TMEM132B: variants seen among roughly 807,000 people sequenced by gnomAD.
TMEM132B encodes the protein transmembrane protein 132B.
Under a neutral mutation model 90.8 loss-of-function variants are expected in TMEM132B, and 18 were observed. The ratio of observed to expected loss-of-function variants is 0.20; its 90% confidence interval spans 0.14 to 0.29. The LOEUF (loss-of-function observed/expected upper bound fraction) is 0.29, where lower values mean the gene tolerates loss of function less well. Ranked by LOEUF, TMEM132B falls within the 10% of genes least tolerant of loss-of-function variation. The probability of loss-of-function intolerance (pLI) is 1.00; values close to 1 mark genes in which losing one functional copy is unlikely to be tolerated. For missense variants in TMEM132B, 1,096 were observed against 1,326.8 expected, an observed-to-expected ratio of 0.83 and a Z score of 2.70; for synonymous variants, 504 against 523.3, an observed-to-expected ratio of 0.96 and a Z score of 0.50.
intron 5 of TMEM132B, among the ~76,000 whole-genome samples, chr12:125,604,363 A>G (rs1566086983): frequency 6.6e-6 from 1 of 151,114 alleles, no homozygotes; most frequent in Non-Finnish European, 1.5e-5. Context: ...ACCAAACACC[A>G]CATGTTTTCA....
At chr12:125,260,414 C>T (rs997885794) in intron 1 of TMEM132B, among the ~76,000 whole-genome samples, 3 of 152,010 alleles carry the variant, frequency 2.0e-5, no homozygotes, top group African/African-American at 7.2e-5. Context: ...AACCATGGTG[C>T]GATCATAGCT....
intron 3 of TMEM132B, among the ~76,000 whole-genome samples, chr12:125,474,779 A>G (rs959760887): frequency 1.3e-5 from 2 of 152,104 alleles, no homozygotes; most frequent in Non-Finnish European, 2.9e-5. Flanking sequence ...TGCTGTCAGG[A>G]TACATCCTCT....
At chr12:125,191,807 G>A (rs1046267158) in intron 1 of TMEM132B, among the ~76,000 whole-genome samples, 1 of 146,714 alleles carries the variant, frequency 6.8e-6, no homozygotes, top group African/African-American at 2.4e-5. Flanking sequence ...TTGGTCTCAT[G>A]CACTGGAATA....
chr12:125,233,085 G>A (rs746501934), intron 1 of TMEM132B, among the ~76,000 whole-genome samples: 1 of 152,130 alleles, frequency 6.6e-6, no homozygotes, highest in Non-Finnish European at 1.5e-5. Context: ...CCCTAGGTAG[G>A]TCAGTGTGTT....
chr12:125,335,385 A>G (rs1876925794), intron 1 of TMEM132B, among the ~76,000 whole-genome samples: 1 of 152,198 alleles, frequency 6.6e-6, no homozygotes, highest in Admixed American at 6.5e-5. Flanking sequence ...TATTCCAGCT[A>G]AAGCTGATTC....
At chr12:125,255,724 A>C (rs1874424706) in intron 1 of TMEM132B, among the ~76,000 whole-genome samples, 1 of 152,076 alleles carries the variant, frequency 6.6e-6, no homozygotes, top group South Asian at 2.1e-4. Flanking sequence ...ATTTATTTTG[A>C]TCTCACAGGG....
At chr12:125,393,567 G>T (rs1476033257) in intron 2 of TMEM132B, among the ~76,000 whole-genome samples, 1 of 152,128 alleles carries the variant, frequency 6.6e-6, no homozygotes, top group Non-Finnish European at 1.5e-5. Flanking sequence ...GGGGTGGTGT[G>T]AGCTATAAAG....
At chr12:125,630,939 AC>A (rs1164808352) in intron 5 of TMEM132B, among the ~76,000 whole-genome samples, 1 of 152,030 alleles carries the variant, frequency 6.6e-6, no homozygotes, top group Non-Finnish European at 1.5e-5. Context: ...GAAAAAAACA[AC>A]TTTTTGTTTC....
chr12:125,298,856 C>T (rs7313931), intron 1 of TMEM132B, among the ~76,000 whole-genome samples: 47,550 of 150,346 alleles, frequency 0.32, 7,780 homozygotes, highest in East Asian at 0.53. Flanking sequence ...GCCTCAGCCT[C>T]CCGAGTAGCT....
rs76884457 is a variant in TMEM132B at position 125,213,510 on chromosome 12, G to A, written c.67+26644G>A. On this transcript the variant is annotated intron_variant, in intron 1 of 8. Transcript: ENST00000682704. This position sits in a 1 kb window ranked among gnomAD's most constrained non-coding sequence, Gnocchi z 4.2. ...GGAAAGCTATCAGAATTTTGAGCCCGGAGTTCTGAGCCCGTAAAAGATTCT... is the reference window on the plus strand; with the variant it reads ...GGAAAGCTATCAGAATTTTGAGCCCAGAGTTCTGAGCCCGTAAAAGATTCT... Among the ~76,000 whole-genome samples, 459 of 152,326 alleles carry A rather than the reference G, an allele frequency of 3.0e-3. 1 individual carries two copies. The highest frequency in any genetic ancestry group is 0.011 in the African/African-American group (443 of 41,578).
chr12:125,229,030 G>A (rs1873753886), intron 1 of TMEM132B, among the ~76,000 whole-genome samples: 1 of 152,202 alleles, frequency 6.6e-6, no homozygotes, highest in South Asian at 2.1e-4. Context: ...TGCCGCGGGC[G>A]AGGGAGACCT....
chr12:125,269,667 G>A (rs930799374), intron 1 of TMEM132B, among the ~76,000 whole-genome samples: 9 of 152,140 alleles, frequency 5.9e-5, no homozygotes, highest in African/African-American at 1.9e-4. Context: ...GATCCAGCAC[G>A]GAGCATGACT....
intron 1 of TMEM132B, among the ~76,000 whole-genome samples, chr12:125,281,801 G>A (rs1441713800): frequency 1.3e-5 from 2 of 151,982 alleles, no homozygotes; most frequent in Non-Finnish European, 2.9e-5. Flanking sequence ...GGCCGAGGTG[G>A]GCGGATCACG....
chr12:125,358,494 G>A (rs545330175), intron 2 of TMEM132B, among the ~76,000 whole-genome samples: 63 of 152,180 alleles, frequency 4.1e-4, no homozygotes, highest in African/African-American at 1.5e-3. Context: ...TATCTTGCTT[G>A]TCTCCTTCAT....
chr12:125,504,202 G>T lies in TMEM132B; in HGVS notation c.1107-15237G>T, dbSNP rs1882771072. ...GACATTTATTGAAAATCTGCCAGGT[G>T]AGTGGAAGGTTACAAGAATTCTAAT... is the stretch of plus-strand genomic sequence containing the variant. On this transcript the variant is annotated intron_variant, in intron 3 of 8. Transcript: ENST00000682704. 2.0e-5 allele frequency among the ~76,000 whole-genome samples: 3 copies of T among 152,190 alleles called. No individual in the cohort carries two copies. In the South Asian group the frequency reaches 6.2e-4, roughly 32 times the overall value.
intron 3 of TMEM132B, among the ~76,000 whole-genome samples, chr12:125,481,803 T>G (rs573485580): frequency 1.4e-4 from 22 of 152,270 alleles, no homozygotes; most frequent in Middle Eastern, 3.4e-3. Flanking sequence ...AAGACAATCC[T>G]AAGCCAAAAG....
intron 1 of TMEM132B, among the ~76,000 whole-genome samples, chr12:125,330,462 C>A (rs1187954794): frequency 1.4e-5 from 2 of 147,976 alleles, no homozygotes; most frequent in African/African-American, 5.1e-5. Flanking sequence ...AAACAATAGA[C>A]AAATGACAAC....
At chr12:125,270,112 T>TTTTGTGTGTGTG (rs372403246) in intron 1 of TMEM132B, among the ~76,000 whole-genome samples, 1 of 143,250 alleles carries the variant, frequency 7.0e-6, no homozygotes, top group Admixed American at 7.0e-5. Flanking sequence ...CACATCTTTG[T>TTTTGTGTGTGTG]TGTGTGTGTG....
intron 1 of TMEM132B, among the ~76,000 whole-genome samples, chr12:125,188,852 C>CA (rs72059024): frequency 0.15 from 13,718 of 90,956 alleles, 1,118 homozygotes; most frequent in South Asian, 0.3. Context: ...GGAGGGATGG[C>CA]AAAAAAAAAA....
Sources: allele counts gnomAD v4.1 joint callset (sites outside exome capture counted in the v4.1 genomes callset), GRCh38; gene constraint gnomAD v4.1.1; non-coding constraint Gnocchi (gnomAD v3.1); transcripts MANE v1.5; gene names NCBI Gene and HGNC (gene_info 2026-07-23, HGNC 2026-07-21).